CADM1: variants seen among roughly 807,000 people sequenced by gnomAD.
CADM1 encodes the protein TSLC-1.
Under a neutral mutation model 53.1 loss-of-function variants are expected in CADM1, and 15 were observed. The ratio of observed to expected loss-of-function variants is 0.28; its 90% CI spans 0.19 to 0.44. CADM1 has a LOEUF of 0.44. Ranked by LOEUF, CADM1 falls within the 20% of genes least tolerant of loss-of-function variation. The pLI is 1.00. For missense variants in CADM1, 434 were observed against 611.3 expected (o/e 0.71, Z 3.06); for synonymous variants, 281 against 243.0 (o/e 1.16, Z -1.45).
intron 1 of CADM1, among the ~76,000 whole-genome samples, chr11:115,297,109 G>T (rs893000535): frequency 1.3e-5 from 2 of 152,158 alleles, no homozygotes; most frequent in Non-Finnish European, 2.9e-5. Flanking sequence ...TGGCTTTGAA[G>T]AATAAATTAG....
At chr11:115,369,149 T>C (rs975216601) in intron 1 of CADM1, among the ~76,000 whole-genome samples, 2 of 151,470 alleles carry the variant, frequency 1.3e-5, no homozygotes, top group Non-Finnish European at 2.9e-5. Flanking sequence ...AGTAGCAGAT[T>C]GTCCTAGGTA....
At chr11:115,245,656 G>T (rs769110336) in intron 1 of CADM1, among the ~76,000 whole-genome samples, 9 of 152,186 alleles carry the variant, frequency 5.9e-5, no homozygotes, top group Non-Finnish European at 1.2e-4. Context: ...AGCTAGTACA[G>T]AGTTGAGTAC....
intron 1 of CADM1, among the ~76,000 whole-genome samples, chr11:115,480,629 A>G (rs1453143451): frequency 6.6e-6 from 1 of 152,160 alleles, no homozygotes; most frequent in African/African-American, 2.4e-5. Context: ...TAATCAGCAC[A>G]CAAGGGGCCT....
chr11:115,463,610 T>G (rs1020076453), intron 1 of CADM1, among the ~76,000 whole-genome samples: 5 of 152,186 alleles, frequency 3.3e-5, no homozygotes, highest in African/African-American at 1.2e-4. Flanking sequence ...TATCTGACAT[T>G]TCACTGCCAT....
chr11:115,470,263 T>C (rs1322461035), intron 1 of CADM1, among the ~76,000 whole-genome samples: 1 of 152,150 alleles, frequency 6.6e-6, no homozygotes, highest in East Asian at 1.9e-4. Flanking sequence ...ATTAATTAGG[T>C]GTGTTAGGAA....
chr11:115,251,729 G>A (rs1272559053), intron 1 of CADM1, among the ~76,000 whole-genome samples: 1 of 152,208 alleles, frequency 6.6e-6, no homozygotes, highest in African/African-American at 2.4e-5. Context: ...TAAAGCAAGT[G>A]CTAGTGGTTT....
chr11:115,222,871 T>C (rs937539227), intron 5 of CADM1, among the ~76,000 whole-genome samples: 1 of 152,190 alleles, frequency 6.6e-6, no homozygotes, highest in African/African-American at 2.4e-5. Context: ...TTGGAAGCAA[T>C]TCTCATCATT....
At chr11:115,292,064 T>C (rs1401216840) in intron 1 of CADM1, among the ~76,000 whole-genome samples, 1 of 141,318 alleles carries the variant, frequency 7.1e-6, no homozygotes, top group Non-Finnish European at 1.5e-5. Flanking sequence ...ACTAGGGGCT[T>C]GTCTTCTGTT....
chr11:115,441,931 A>T (rs569399180), intron 1 of CADM1, among the ~76,000 whole-genome samples: 4 of 152,294 alleles, frequency 2.6e-5, no homozygotes, highest in Non-Finnish European at 4.4e-5. Context: ...ATACACATTC[A>T]ATAATGTATA....
chr11:115,376,239 G>A lies in CADM1; in HGVS notation c.124+128032C>T, dbSNP rs554646356. Among the ~76,000 whole-genome samples the A allele has an allele frequency of 1.3e-4, 20 of 152,160 alleles. No individual in the cohort carries two copies. In the South Asian group the frequency reaches 3.7e-3, roughly 28 times the overall value. ...TGCTATAAGCTCTGGCTACCATGAG[G>A]ATTAAATGAGATACAACTCTTAGCA... On this transcript the variant is annotated intron_variant, in intron 1 of 11. Transcript: ENST00000331581.
chr11:115,294,081 T>A (rs149130967), intron 1 of CADM1, among the ~76,000 whole-genome samples: 1 of 152,318 alleles, frequency 6.6e-6, no homozygotes, highest in East Asian at 1.9e-4. Flanking sequence ...TGGGGTGAAG[T>A]ATCTCAGCAG....
intron 1 of CADM1, among the ~76,000 whole-genome samples, chr11:115,344,072 A>G (rs777609971): frequency 1.7e-5 from 2 of 117,222 alleles, no homozygotes; most frequent in African/African-American, 3.3e-5. Flanking sequence ...CCTACTTCCA[A>G]ATGCTTACTA....
rs928976271 is a variant in CADM1 at position 115,283,980 on chromosome 11, C to G, written c.125-43560G>C. Among the ~76,000 whole-genome samples, 64 of 152,028 alleles carry G rather than the reference C, an allele frequency of 4.2e-4. 3 individuals are homozygous for G. The highest frequency in any genetic ancestry group is 4.2e-3 in the Admixed American group (64 of 15,256). On this transcript the variant is annotated intron_variant, in intron 1 of 11. Transcript: ENST00000331581. ...CAAGTGAAGAAAAGCTTTAAGGGATCGGGTCCTAGACTTGCTCCTGAAAAA... is the reference window on the plus strand; with the variant it reads ...CAAGTGAAGAAAAGCTTTAAGGGATGGGGTCCTAGACTTGCTCCTGAAAAA...
intron 1 of CADM1, among the ~76,000 whole-genome samples, chr11:115,314,395 C>T (rs1944607219): frequency 6.6e-6 from 1 of 152,096 alleles, no homozygotes; most frequent in Non-Finnish European, 1.5e-5. Flanking sequence ...ATAAAAAGTT[C>T]ACACGCATAA....
chr11:115,259,892 C>G (rs1289114940), intron 1 of CADM1, among the ~76,000 whole-genome samples: 2 of 152,280 alleles, frequency 1.3e-5, no homozygotes, highest in East Asian at 3.9e-4. Context: ...AGTCCTGTCT[C>G]CATCTCTGAG....
intron 3 of CADM1, among the ~76,000 whole-genome samples, chr11:115,231,963 G>A (rs537943135): frequency 2.0e-5 from 3 of 151,580 alleles, no homozygotes; most frequent in African/African-American, 7.3e-5. Context: ...GCCAGCCTGG[G>A]CAACAAGAGC....
chr11:115,365,989 T>C (rs761283526), intron 1 of CADM1, among the ~76,000 whole-genome samples: 27 of 152,330 alleles, frequency 1.8e-4, no homozygotes, highest in Non-Finnish European at 3.5e-4. Context: ...ATAGGTTTTA[T>C]GTATGAGGGC....
At chr11:115,342,739 T>G (rs759914967) in intron 1 of CADM1, among the ~76,000 whole-genome samples, 32 of 152,182 alleles carry the variant, frequency 2.1e-4, no homozygotes, top group Non-Finnish European at 3.8e-4. Flanking sequence ...TATCTCACAT[T>G]GCATATTTTA....
At chr11:115,236,429 A>G (rs1405990246) in intron 3 of CADM1, among the ~76,000 whole-genome samples, 1 of 152,222 alleles carries the variant, frequency 6.6e-6, no homozygotes, top group African/African-American at 2.4e-5. Context: ...ATATCTACAG[A>G]AAGAATATCT....
Sources: allele counts gnomAD v4.1 joint callset (sites outside exome capture counted in the v4.1 genomes callset), GRCh38; gene constraint gnomAD v4.1.1; transcripts MANE v1.5; gene names NCBI Gene and HGNC (gene_info 2026-07-23, HGNC 2026-07-21).